CS: variants seen among roughly 807,000 people sequenced by gnomAD.
The protein encoded by CS is citrate synthase, mitochondrial.
CS carries 13 observed loss-of-function variants against 61.4 expected under a neutral mutation model. That is an observed-to-expected ratio of 0.21 (90% CI 0.14 to 0.34). CS has a LOEUF of 0.34. CS is among the 10% of genes least tolerant of loss of function. The pLI is 1.00. For missense variants in CS, 278 were observed against 573.4 expected (o/e 0.48, Z 5.26); for synonymous variants, 159 against 215.2 (o/e 0.74, Z 2.29).
rs1872531503 is a variant in CS at position 56,272,071 on chromosome 12, C to T, written c.*1013G>A. On this transcript the variant is annotated 3_prime_UTR_variant, in exon 11 of 11. Coordinates refer to ENST00000351328, the MANE Select transcript of CS (RefSeq NM_004077.3). ...TTACTATTTTTAATGCCCTCAGCCCCAGTACCTGATAATCAGAGGAGACCA... is the reference window on the plus strand; with the variant it reads ...TTACTATTTTTAATGCCCTCAGCCCTAGTACCTGATAATCAGAGGAGACCA... 1.4e-5 allele frequency: 5 copies of T among 360,744 alleles called. No homozygotes were observed. Among genetic ancestry groups the T allele is most frequent in the Non-Finnish European group, 2.2e-5 (4 of 182,784 alleles). 22.3% of individuals were successfully genotyped at this position (360,744 alleles called of 1,614,324 possible). A position where few individuals can be genotyped will look rare whatever the true frequency, so the allele number is the denominator to read the frequency against.
chr12:56,275,582 A>AC lies in CS; in HGVS notation c.788+413_788+414insG, dbSNP rs1469478212. On this transcript the variant is annotated intron_variant, in intron 7 of 10. Transcript: ENST00000351328. ...CAAGACTCCATCTAAAAAAAAAAAA[A>AC]AAAAAAAGCATCCTAATCTCATTAC... The AC allele has an allele frequency of 3.0e-5, 6 of 202,858 alleles. No homozygotes were observed. The East Asian group carries it at 8.0e-4, about 27-fold the overall frequency. 12.6% of individuals were successfully genotyped at this position (202,858 alleles called of 1,614,324 possible).
rs750388487 is a variant in CS at position 56,285,910 on chromosome 12, C to A, written c.201+6G>T. On this transcript the variant is annotated splice_donor_region_variant and intron_variant, in intron 3 of 10. Coordinates refer to ENST00000351328, the MANE Select transcript of CS (RefSeq NM_004077.3). Reference sequence around the variant, plus strand: ...CTTTTCCCAGCCAAAGCCACACAACCCTTACCATGTCCACAGTGATTTGGC... The same window carrying A: ...CTTTTCCCAGCCAAAGCCACACAACACTTACCATGTCCACAGTGATTTGGC... The A allele has an allele frequency of 1.2e-6, 2 of 1,610,174 alleles. No individual in the cohort carries two copies. Among genetic ancestry groups the A allele is most frequent in the Non-Finnish European group, 1.7e-6 (2 of 1,178,082 alleles).
chr12:56,297,651 C>T (rs924333359), intron 1 of CS, among the ~76,000 whole-genome samples: 17 of 152,026 alleles, frequency 1.1e-4, no homozygotes, highest in East Asian at 1.9e-4. Flanking sequence ...TTACAGTGAG[C>T]GGAGATTACG....
chr12:56,298,552 C>T, intron 1 of CS: 2 of 827,006 alleles, frequency 2.4e-6, no homozygotes, highest in Non-Finnish European at 2.9e-6. Flanking sequence ...TATAGTGTCC[C>T]CCATTCTGCC....
At chr12:56,290,628 T>C (rs941424893) in intron 1 of CS, among the ~76,000 whole-genome samples, 92 of 152,168 alleles carry the variant, frequency 6.0e-4, no homozygotes, top group African/African-American at 2.2e-3. Flanking sequence ...ATTGGTAAGA[T>C]TGCTCAAAAG....
chr12:56,300,060 AGGGTGCGCAC>A, intron 1 of CS, 90 bp downstream of exon 1: 1 of 1,203,654 alleles, frequency 8.3e-7, no homozygotes, highest in Non-Finnish European at 1.2e-6. Context: ...TAAGGCGCGC[AGGGTGCGCAC>A]GGGTGTGGGA....
At chr12:56,299,541 C>T (rs978214388) in intron 1 of CS, among the ~76,000 whole-genome samples, 1 of 152,132 alleles carries the variant, frequency 6.6e-6, no homozygotes, top group African/African-American at 2.4e-5. Flanking sequence ...GGAGGTTGTA[C>T]AGAAGTGCTC....
intron 6 of CS, among the ~76,000 whole-genome samples, chr12:56,277,661 C>T (rs1228965166): frequency 3.0e-5 from 4 of 132,596 alleles, no homozygotes; most frequent in Admixed American, 8.1e-5. Flanking sequence ...GATGGATTCT[C>T]GCTCTGTCGC....
At chr12:56,278,869 G>T (rs1420018469) in intron 6 of CS, among the ~76,000 whole-genome samples, 1 of 151,968 alleles carries the variant, frequency 6.6e-6, no homozygotes, top group Non-Finnish European at 1.5e-5. Flanking sequence ...TGCCTCCTAG[G>T]TTCAAGCGAT....
intron 9 of CS, 181 bp from the exon 10 acceptor site, chr12:56,273,977 G>T (rs542448680): frequency 2.2e-5 from 13 of 598,902 alleles, no homozygotes; most frequent in African/African-American, 1.7e-4. Context: ...GGGACCACAG[G>T]TGCACACCAA....
chr12:56,271,911 A>C lies in CS; in HGVS notation c.*1173T>G, dbSNP rs1213438142. The C allele has an allele frequency of 2.2e-6, 1 of 456,378 alleles. No homozygotes were observed. The highest frequency in any genetic ancestry group is 2.3e-5 in the Admixed American group (1 of 42,556). The allele number at this position is 456,378 out of a possible 1,614,324, so 28.3% of individuals were successfully genotyped here. On this transcript the variant is annotated 3_prime_UTR_variant, in exon 11 of 11. Coordinates refer to ENST00000351328, the MANE Select transcript of CS (RefSeq NM_004077.3). ...TCCTTTCTCAAAGAAAAAGAAGTAG[A>C]GCATTCTGAGTTGCTGAAAACCTGT... is the stretch of plus-strand genomic sequence containing the variant.
Position 56,283,659 on chromosome 12 carries a change from CAT to C in CS, c.267+131_267+132del, listed in dbSNP as rs1300797058. 1.5e-5 allele frequency: 10 copies of C among 648,294 alleles called. No homozygotes were observed. In the African/African-American group the frequency reaches 1.7e-4, roughly 11 times the overall value. The allele number at this position is 648,294 out of a possible 1,614,324, so 40.2% of individuals were successfully genotyped here. The stretch of plus-strand genomic sequence containing the variant: ...AAATTTGTTCTTCAATTATTCCATA[CAT>C]ATGTCTTCTCTACCTTCCAATATAT... On this transcript the variant is annotated intron_variant, in intron 4 of 10. Transcript: ENST00000351328.
intron 4 of CS, 111 bp downstream of exon 4, chr12:56,283,681 A>G: frequency 1.4e-6 from 1 of 734,214 alleles, no homozygotes; most frequent in African/African-American, 1.8e-5. Context: ...CTACCTTCCA[A>G]TATATGAAGC....
chr12:56,280,440 A>AAAACCC (rs1555162654), intron 6 of CS, among the ~76,000 whole-genome samples: 21 of 119,898 alleles, frequency 1.8e-4, no homozygotes, highest in Non-Finnish European at 3.2e-4. Context: ...AAAAAAAACA[A>AAAACCC]AAAAATTAGC....
At chr12:56,295,316 T>C (rs955032979) in intron 1 of CS, among the ~76,000 whole-genome samples, 3 of 136,280 alleles carry the variant, frequency 2.2e-5, no homozygotes, top group African/African-American at 8.2e-5. Context: ...AGGTCAGGAG[T>C]TCAAGACCAT....
Position 56,299,868 on chromosome 12 carries a change from G to C in CS, c.42+292C>G. ...CGGCTCCTTGCTATTTCAGGGCCAC[G>C]CATCCCTTCCCCTTTCATTTCAGAC... On this transcript the variant is annotated intron_variant, in intron 1 of 10. Coordinates refer to ENST00000351328, the MANE Select transcript of CS (RefSeq NM_004077.3). The C allele has an allele frequency of 8.3e-6, 3 of 359,946 alleles. No homozygotes were observed. In the South Asian group the frequency reaches 8.4e-5, roughly 10 times the overall value. The allele number at this position is 359,946 out of a possible 1,614,324, so 22.3% of individuals were successfully genotyped here.
chr12:56,274,906 A>C (rs1339571073), intron 8 of CS, 28 bp from the exon 9 acceptor site: 1 of 1,604,928 alleles, frequency 6.2e-7, no homozygotes, highest in Non-Finnish European at 8.5e-7. Flanking sequence ...GGAAAAAGGG[A>C]ATGTTAATAC....
At chr12:56,285,591 G>T (rs778324974) in intron 3 of CS, among the ~76,000 whole-genome samples, 48 of 152,138 alleles carry the variant, frequency 3.2e-4, no homozygotes, top group Non-Finnish European at 6.0e-4. Context: ...CCCTCTGTTT[G>T]ATTCCTTTTC....
chr12:56,296,323 C>T (rs1406799578), intron 1 of CS, among the ~76,000 whole-genome samples: 1 of 151,948 alleles, frequency 6.6e-6, no homozygotes, highest in Non-Finnish European at 1.5e-5. Flanking sequence ...ATTAGCCAGG[C>T]GTGGCTGTGC....
Sources: allele counts gnomAD v4.1 joint callset (sites outside exome capture counted in the v4.1 genomes callset), GRCh38; gene constraint gnomAD v4.1.1; transcripts MANE v1.5; gene names NCBI Gene and HGNC (gene_info 2026-07-23, HGNC 2026-07-21).